The following JAM2 variants were observed in gnomAD, a reference collection of about 807,000 sequenced individuals.
The protein encoded by JAM2 is junctional adhesion molecule 2.
Under a neutral mutation model 42.0 loss-of-function variants are expected in JAM2, and 17 were observed. The observed-to-expected ratio is 0.40, with a 90% CI of 0.28 to 0.61. JAM2 has a LOEUF of 0.61. Among genes scored for constraint, JAM2 ranks in the 20% least tolerant of loss-of-function variants. The pLI is 0.37. For synonymous variants in JAM2, 118 were observed against 128.6 expected (o/e 0.92, Z 0.56); for missense variants, 319 against 358.3 (o/e 0.89, Z 0.89).
intron 1 of JAM2, among the ~76,000 whole-genome samples, chr21:25,678,026 G>C (rs1429704300): frequency 6.6e-6 from 1 of 152,102 alleles, no homozygotes; most frequent in Non-Finnish European, 1.5e-5. Context: ...TTGAGGTCAG[G>C]AGTTTGAGAA....
intron 1 of JAM2, among the ~76,000 whole-genome samples, chr21:25,658,185 G>T (rs2032989767): frequency 6.6e-6 from 1 of 152,028 alleles, no homozygotes. Context: ...GAATCCAGAA[G>T]ACATTGAAAA....
intron 1 of JAM2, among the ~76,000 whole-genome samples, chr21:25,668,431 G>A (rs1238578858): frequency 2.0e-5 from 3 of 152,180 alleles, no homozygotes; most frequent in Admixed American, 6.5e-5. Context: ...GTAGCTATGG[G>A]AGGAGTGAGA....
intron 7 of JAM2, among the ~76,000 whole-genome samples, chr21:25,708,843 G>A (rs1431926485): frequency 6.6e-6 from 1 of 151,958 alleles, no homozygotes. Flanking sequence ...TTAGGAGTTC[G>A]TTACCTAAGA....
chr21:25,648,106 G>C (rs963522543), intron 1 of JAM2, among the ~76,000 whole-genome samples: 5 of 152,116 alleles, frequency 3.3e-5, no homozygotes, highest in Non-Finnish European at 5.9e-5. Flanking sequence ...AGCTACTCAG[G>C]AGGCTGAGGC....
chr21:25,683,038 T>C (rs1401043692), intron 1 of JAM2, among the ~76,000 whole-genome samples: 4 of 152,008 alleles, frequency 2.6e-5, no homozygotes, highest in Non-Finnish European at 5.9e-5. Flanking sequence ...AGGGGCATGG[T>C]GGGACAAAAG....
intron 1 of JAM2, among the ~76,000 whole-genome samples, chr21:25,654,988 G>A (rs1266879495): frequency 6.6e-6 from 1 of 152,186 alleles, no homozygotes; most frequent in African/African-American, 2.4e-5. Context: ...CTGACATGTA[G>A]TGTGTATCCA....
At chr21:25,664,583 G>A (rs940361874) in intron 1 of JAM2, among the ~76,000 whole-genome samples, 2 of 152,120 alleles carry the variant, frequency 1.3e-5, no homozygotes, top group South Asian at 2.1e-4. Context: ...CTAGAACATC[G>A]AACATTGTTG....
chr21:25,695,791 G>C (rs2034004847), intron 4 of JAM2, among the ~76,000 whole-genome samples: 1 of 151,558 alleles, frequency 6.6e-6, no homozygotes, highest in Non-Finnish European at 1.5e-5. Context: ...TCCCAGACGG[G>C]GTCGCGGCCG....
intron 1 of JAM2, among the ~76,000 whole-genome samples, chr21:25,647,891 G>A (rs2032658011): frequency 6.6e-6 from 1 of 152,200 alleles, no homozygotes; most frequent in African/African-American, 2.4e-5. Flanking sequence ...TTTGAAAAGA[G>A]AGAATGGTGT....
chr21:25,675,397 G>C, intron 1 of JAM2, among the ~76,000 whole-genome samples: 1 of 152,048 alleles, frequency 6.6e-6, no homozygotes, highest in East Asian at 1.9e-4. Flanking sequence ...TCGGGAGGCC[G>C]AAGCACGAAA....
chr21:25,709,679 C>T (rs921626350), intron 8 of JAM2: 8 of 363,910 alleles, frequency 2.2e-5, no homozygotes, highest in Admixed American at 1.9e-4. Flanking sequence ...AATTGGCTCA[C>T]GGTTCTGCAA....
intron 1 of JAM2, among the ~76,000 whole-genome samples, chr21:25,679,194 A>G (rs897508077): frequency 1.9e-4 from 29 of 152,268 alleles, no homozygotes; most frequent in Admixed American, 5.9e-4. Context: ...AGACTAATTT[A>G]CATGTTGATA....
intron 1 of JAM2, among the ~76,000 whole-genome samples, chr21:25,649,652 C>G (rs750430327): frequency 6.6e-6 from 1 of 152,100 alleles, no homozygotes; most frequent in African/African-American, 2.4e-5. Flanking sequence ...CCCCTCATGG[C>G]CTAATCTCTT....
chr21:25,681,492 G>A (rs764390622), intron 1 of JAM2, among the ~76,000 whole-genome samples: 2 of 152,106 alleles, frequency 1.3e-5, no homozygotes, highest in Admixed American at 6.5e-5. Context: ...TCACTGTCAC[G>A]AGAACAGCAT....
At chr21:25,678,382 CAT>C (rs1327466534) in intron 1 of JAM2, among the ~76,000 whole-genome samples, 1 of 151,998 alleles carries the variant, frequency 6.6e-6, no homozygotes, top group African/African-American at 2.4e-5. Context: ...GAGTCTATAA[CAT>C]GTGGGAAGCA....
At chr21:25,689,018 T>C (rs189629782) in intron 2 of JAM2, among the ~76,000 whole-genome samples, 3,337 of 146,872 alleles carry the variant, frequency 0.023, 61 homozygotes, top group South Asian at 0.05. Flanking sequence ...CTGGGTTTTT[T>C]GTTTTTTTTT....
In JAM2 at chr21:25,717,275, G is replaced by C. The variant is rs190133265; in HGVS notation, c.*2603G>C. The C allele has an allele frequency of 2.9e-4, 46 of 159,410 alleles. No individual in the cohort carries two copies. Among genetic ancestry groups the C allele is most frequent in the Middle Eastern group, 3.1e-3 (1 of 322 alleles). The allele number at this position is 159,410 out of a possible 1,614,324, so 9.9% of individuals were successfully genotyped here. On this transcript the variant is annotated 3_prime_UTR_variant, in exon 10 of 10. Transcript: ENST00000480456. ...TGTATTTGCATTTGTGTTTACTTGA[G>C]GAACTTGAACACTAACAACTGGTAA...
At chr21:25,666,925 T>A (rs1011577980) in intron 1 of JAM2, among the ~76,000 whole-genome samples, 8 of 152,248 alleles carry the variant, frequency 5.3e-5, no homozygotes, top group African/African-American at 1.9e-4. Flanking sequence ...TTCATGTAAT[T>A]TTTTGTTGCA....
intron 1 of JAM2, among the ~76,000 whole-genome samples, chr21:25,673,470 C>T (rs1049213917): frequency 2.6e-5 from 4 of 152,166 alleles, no homozygotes; most frequent in East Asian, 1.9e-4. Flanking sequence ...TAAATATACA[C>T]GGTTTATTCA....
Sources: gnomAD v4.1 joint callset for allele counts (sites outside exome capture counted in the v4.1 genomes callset) on GRCh38, gnomAD v4.1.1 for gene constraint, MANE v1.5 for transcripts, NCBI Gene and HGNC (gene_info 2026-07-23, HGNC 2026-07-21) for gene names.